CHRM3: variants seen among roughly 807,000 people sequenced by gnomAD.
The protein encoded by CHRM3 is cholinergic receptor muscarinic 3.
CHRM3 carries 11 observed loss-of-function variants against 41.8 expected under a neutral mutation model. The observed-to-expected ratio is 0.26, with a 90% CI of 0.17 to 0.44. The LOEUF (loss-of-function observed/expected upper bound fraction) is 0.44. Among genes scored for constraint, CHRM3 ranks in the 20% least tolerant of loss-of-function variants. CHRM3 has a pLI of 1.00. For synonymous variants in CHRM3, 297 were observed against 301.4 expected, an observed-to-expected ratio of 0.99 and a Z score of 0.15; for missense variants, 571 against 745.4, an observed-to-expected ratio of 0.77 and a Z score of 2.72.
chr1:239,772,282 C>T (rs919994487), intron 5 of CHRM3, among the ~76,000 whole-genome samples: 1 of 152,056 alleles, frequency 6.6e-6, no homozygotes, highest in Non-Finnish European at 1.5e-5. Context: ...TCCCGAGTAG[C>T]TAGGATCACA....
chr1:239,780,862 T>C (rs569537531), intron 5 of CHRM3, among the ~76,000 whole-genome samples: 2 of 152,154 alleles, frequency 1.3e-5, no homozygotes, highest in South Asian at 4.1e-4. Context: ...GTCGTTCCAG[T>C]TGTGGAAAAG....
rs1267593500 is a variant in CHRM3, at chr1:239,739,603, T to C, written c.-147+61315T>C. On this transcript the variant is annotated intron_variant, in intron 5 of 6. Coordinates refer to ENST00000676153, the MANE Select transcript of CHRM3 (RefSeq NM_001375978.1). ...CTATAATGCTAATAAGGCTGGGACA[T>C]TGTATTATTCTGAAGAGTTCAGCAT... is the stretch of plus-strand genomic sequence containing the variant. Among the ~76,000 whole-genome samples the C allele has an allele frequency of 2.6e-5, 4 of 152,128 alleles. No individual in the cohort carries two copies. In the South Asian group the frequency reaches 6.2e-4, roughly 24 times the overall value.
At chr1:239,551,381 C>T (rs752003558) in intron 3 of CHRM3, among the ~76,000 whole-genome samples, 4 of 151,618 alleles carry the variant, frequency 2.6e-5, no homozygotes, top group East Asian at 1.9e-4. Flanking sequence ...AGGCTGGTCT[C>T]GAACTCCCAA....
chr1:239,761,478 C>T (rs1666767080), intron 5 of CHRM3, among the ~76,000 whole-genome samples: 1 of 152,188 alleles, frequency 6.6e-6, no homozygotes, highest in Admixed American at 6.5e-5. Context: ...CTGGGGACAT[C>T]ACTGGGTCGT....
At chr1:239,388,674 T>C (rs1282157422) in intron 1 of CHRM3, among the ~76,000 whole-genome samples, 3 of 152,216 alleles carry the variant, frequency 2.0e-5, no homozygotes, top group Non-Finnish European at 4.4e-5. Context: ...GGTATTTCTG[T>C]TCCAAATATT....
intron 6 of CHRM3, among the ~76,000 whole-genome samples, chr1:239,844,799 G>C (rs1455558677): frequency 6.6e-6 from 1 of 152,164 alleles, no homozygotes; most frequent in Admixed American, 6.5e-5. Context: ...TGGCATAGCA[G>C]TTAGTCACCC....
chr1:239,457,286 A>G (rs1256322322), intron 1 of CHRM3, among the ~76,000 whole-genome samples: 1 of 152,190 alleles, frequency 6.6e-6, no homozygotes, highest in Non-Finnish European at 1.5e-5. Context: ...GAACACATAT[A>G]AACCTCTCAA....
At chr1:239,442,784 G>A (rs1309118184) in intron 1 of CHRM3, among the ~76,000 whole-genome samples, 1 of 152,166 alleles carries the variant, frequency 6.6e-6, no homozygotes, top group African/African-American at 2.4e-5. Flanking sequence ...TACAAGAGGA[G>A]AAACAAAATG....
intron 1 of CHRM3, among the ~76,000 whole-genome samples, chr1:239,438,200 T>C (rs1663423657): frequency 6.6e-6 from 1 of 152,242 alleles, no homozygotes; most frequent in Admixed American, 6.5e-5. Context: ...TTATTTCCAC[T>C]ATAGAATTTT....
chr1:239,640,512 G>A lies in CHRM3; in HGVS notation c.-250+8226G>A, dbSNP rs1378777183. ...GTCTTGGGAGGGTGTATGTGTCGAG[G>A]AATTTATCCATTTCTTGTAGATTTT... On this transcript the variant is annotated intron_variant, in intron 4 of 6. Coordinates refer to ENST00000676153, the MANE Select transcript of CHRM3 (RefSeq NM_001375978.1). 2.6e-5 allele frequency among the ~76,000 whole-genome samples: 4 copies of A among 152,284 alleles called. No homozygotes were observed. The East Asian group carries it at 5.8e-4, about 22-fold the overall frequency.
chr1:239,667,390 A>T (rs920232028), intron 4 of CHRM3, among the ~76,000 whole-genome samples: 2 of 152,164 alleles, frequency 1.3e-5, no homozygotes, highest in African/African-American at 2.4e-5. Flanking sequence ...AGACCTCAGC[A>T]TCCAAGTCCA....
At chr1:239,634,491 T>C (rs1670249639) in intron 4 of CHRM3, among the ~76,000 whole-genome samples, 1 of 150,058 alleles carries the variant, frequency 6.7e-6, no homozygotes, top group African/African-American at 2.4e-5. Flanking sequence ...TCAGTTTATA[T>C]TGGAATTGCC....
chr1:239,741,062 A>G (rs1329676130), intron 5 of CHRM3, among the ~76,000 whole-genome samples: 1 of 152,108 alleles, frequency 6.6e-6, no homozygotes, highest in Non-Finnish European at 1.5e-5. Context: ...GGAAAGAGCT[A>G]TCTTTCCCAT....
intron 5 of CHRM3, among the ~76,000 whole-genome samples, chr1:239,713,777 C>T (rs1281620515): frequency 6.6e-6 from 1 of 152,206 alleles, no homozygotes; most frequent in Non-Finnish European, 1.5e-5. Flanking sequence ...ATTATGATTA[C>T]TCTCTTTCAC....
At chr1:239,677,431 T>C (rs1658123289) in intron 4 of CHRM3, among the ~76,000 whole-genome samples, 1 of 152,236 alleles carries the variant, frequency 6.6e-6, no homozygotes, top group Non-Finnish European at 1.5e-5. Context: ...GCGTCTTTTT[T>C]TGTGCTGCTA....
chr1:239,601,653 AC>A (rs1238253964), intron 3 of CHRM3, among the ~76,000 whole-genome samples: 2 of 152,138 alleles, frequency 1.3e-5, no homozygotes, highest in African/African-American at 4.8e-5. Context: ...ACTCTGACAA[AC>A]TTTTTGTGAT....
intron 5 of CHRM3, among the ~76,000 whole-genome samples, chr1:239,680,603 C>T (rs1462142529): frequency 6.6e-6 from 1 of 152,048 alleles, no homozygotes; most frequent in Non-Finnish European, 1.5e-5. Context: ...TATGTCACAG[C>T]TACCAAAGTG....
chr1:239,649,691 G>T (rs1251455369), intron 4 of CHRM3, among the ~76,000 whole-genome samples: 2 of 152,076 alleles, frequency 1.3e-5, no homozygotes, highest in African/African-American at 4.8e-5. Context: ...ACTGAGGATG[G>T]GTGAGAAAGA....
intron 5 of CHRM3, among the ~76,000 whole-genome samples, chr1:239,687,385 T>G (rs1659249379): frequency 6.6e-6 from 1 of 152,196 alleles, no homozygotes; most frequent in South Asian, 2.1e-4. Context: ...GTATTGCTAA[T>G]CCGTCGTTAT....
Sources: gnomAD v4.1 joint callset for allele counts (sites outside exome capture counted in the v4.1 genomes callset) on GRCh38, gnomAD v4.1.1 for gene constraint, MANE v1.5 for transcripts, NCBI Gene and HGNC (gene_info 2026-07-23, HGNC 2026-07-21) for gene names.